TCF7L1: variants seen among roughly 807,000 people sequenced by gnomAD.
TCF7L1 encodes the protein transcription factor 7-like 1.
A neutral mutation model predicts 63.7 loss-of-function variants in TCF7L1; 18 were observed. The ratio of observed to expected loss-of-function variants is 0.28; its 90% CI spans 0.20 to 0.42. The LOEUF (loss-of-function observed/expected upper bound fraction) is 0.42, where lower values mean the gene tolerates loss of function less well. Ranked by LOEUF, TCF7L1 falls within the 10% of genes least tolerant of loss-of-function variation. The probability of loss-of-function intolerance (pLI) is 1.00; values close to 1 mark genes in which losing one functional copy is unlikely to be tolerated. For missense variants in TCF7L1, 654 were observed against 779.3 expected (o/e 0.84, Z 1.91); for synonymous variants, 355 against 340.9 (o/e 1.04, Z -0.46).
At chr2:85,243,599 G>T (rs1680390080) in intron 3 of TCF7L1, among the ~76,000 whole-genome samples, 1 of 152,162 alleles carries the variant, frequency 6.6e-6, no homozygotes, top group Non-Finnish European at 1.5e-5. Context: ...AGCAAGGGAA[G>T]GGGGAGCTGG....
chr2:85,287,719 G>C (rs1049449110), intron 4 of TCF7L1, among the ~76,000 whole-genome samples: 60 of 152,252 alleles, frequency 3.9e-4, no homozygotes, highest in Non-Finnish European at 6.9e-4. Flanking sequence ...TTCAACAGAT[G>C]GGGAGAAGAC....
intron 3 of TCF7L1, among the ~76,000 whole-genome samples, chr2:85,153,378 G>A (rs1228417316): frequency 1.9e-5 from 2 of 102,612 alleles, no homozygotes; most frequent in African/African-American, 4.3e-5. Context: ...GTCTTGCTCT[G>A]TCACCCAGGC....
At chr2:85,289,427 G>A (rs571158088) in intron 4 of TCF7L1, among the ~76,000 whole-genome samples, 13 of 152,142 alleles carry the variant, frequency 8.5e-5, no homozygotes, top group Admixed American at 8.5e-4. Flanking sequence ...ACTTAATCCA[G>A]CTTTTTGGAA....
chr2:85,213,201 T>C (rs1198752175), intron 3 of TCF7L1, among the ~76,000 whole-genome samples: 1 of 152,080 alleles, frequency 6.6e-6, no homozygotes, highest in Non-Finnish European at 1.5e-5. Flanking sequence ...CAGCTCCTTT[T>C]TGGGTGGGAG....
In TCF7L1 at chr2:85,170,706, A is replaced by G. The variant is rs1014710033; in HGVS notation, c.441+36256A>G. Among the ~76,000 whole-genome samples, 3 of 152,144 alleles carry G rather than the reference A, an allele frequency of 2.0e-5. No homozygotes were observed. In the East Asian group the frequency reaches 5.8e-4, roughly 29 times the overall value. The stretch of plus-strand genomic sequence containing the variant: ...TACCCGGACATCCCAGGAAAGAAAA[A>G]TGGTGCCCAGGAAACCCACTCAGAG... On this transcript the variant is annotated intron_variant, in intron 3 of 11. Transcript: ENST00000282111.
chr2:85,147,257 C>G (rs920917166), intron 3 of TCF7L1, among the ~76,000 whole-genome samples: 1 of 152,156 alleles, frequency 6.6e-6, no homozygotes, highest in African/African-American at 2.4e-5. Flanking sequence ...TGCAGCAGGT[C>G]CTTATTCTCT....
At chr2:85,160,838 A>G (rs1354444126) in intron 3 of TCF7L1, among the ~76,000 whole-genome samples, 1 of 152,188 alleles carries the variant, frequency 6.6e-6, no homozygotes, top group African/African-American at 2.4e-5. Context: ...GGGACAGAGC[A>G]GGACTCTGTC....
At chr2:85,255,422 A>T (rs1416473494) in intron 3 of TCF7L1, among the ~76,000 whole-genome samples, 1 of 152,118 alleles carries the variant, frequency 6.6e-6, no homozygotes, top group Non-Finnish European at 1.5e-5. Context: ...CCTGCACACA[A>T]GGGAATAGGA....
intron 3 of TCF7L1, among the ~76,000 whole-genome samples, chr2:85,246,211 C>A (rs1004830060): frequency 6.6e-6 from 1 of 152,206 alleles, no homozygotes; most frequent in Non-Finnish European, 1.5e-5. Flanking sequence ...TTTCCACTTG[C>A]AATTACTCAT....
intron 3 of TCF7L1, among the ~76,000 whole-genome samples, chr2:85,256,570 TG>T (rs2104341151): frequency 6.6e-6 from 1 of 152,286 alleles, no homozygotes; most frequent in East Asian, 1.9e-4. Context: ...GGCGGGACAC[TG>T]GGAGGGGTCG....
intron 4 of TCF7L1, among the ~76,000 whole-genome samples, chr2:85,289,332 C>T (rs1681632068): frequency 6.6e-6 from 1 of 152,018 alleles, no homozygotes; most frequent in African/African-American, 2.4e-5. Flanking sequence ...GAGTTACAGG[C>T]AAATGGGGCC....
At chr2:85,136,287 GCTCT>G (rs1254493024) in intron 3 of TCF7L1, among the ~76,000 whole-genome samples, 2 of 152,126 alleles carry the variant, frequency 1.3e-5, no homozygotes, top group Non-Finnish European at 2.9e-5. Context: ...TCTGCTGTCT[GCTCT>G]CTCTGACAGT....
chr2:85,144,434 AC>A lies in TCF7L1; in HGVS notation c.441+9985del, dbSNP rs376441281. 2.2e-3 allele frequency among the ~76,000 whole-genome samples: 310 copies of A among 141,414 alleles called. 2 individuals are homozygous for A. Among genetic ancestry groups the A allele is most frequent in the Middle Eastern group, 3.6e-3 (1 of 278 alleles). The allele number at this position is 141,414 out of a possible 152,430, so 92.8% of individuals were successfully genotyped here. A position where few individuals can be genotyped will look rare whatever the true frequency, so the allele number is the denominator to read the frequency against. Reference sequence around the variant, plus strand: ...TGTCTCTACAAAAAAAAAAAAAAAAACAAAAACCAAAAAAAACATTAGCCAG... The same window carrying A: ...TGTCTCTACAAAAAAAAAAAAAAAAAAAAAACCAAAAAAAACATTAGCCAG... On this transcript the variant is annotated intron_variant, in intron 3 of 11. Coordinates refer to ENST00000282111, the MANE Select transcript of TCF7L1 (RefSeq NM_031283.3).
chr2:85,268,806 G>A (rs990295557), intron 3 of TCF7L1, among the ~76,000 whole-genome samples: 1 of 151,238 alleles, frequency 6.6e-6, no homozygotes, highest in African/African-American at 2.4e-5. Flanking sequence ...TATCCCCAAA[G>A]AGCTTAGGGG....
chr2:85,222,364 CAAA>C (rs1217020917), intron 3 of TCF7L1, among the ~76,000 whole-genome samples: 78 of 105,992 alleles, frequency 7.4e-4, no homozygotes, highest in Admixed American at 2.5e-3. Context: ...AACAAACAAA[CAAA>C]AAAAAAAACA....
At chr2:85,296,520 C>T (rs1681842647) in intron 4 of TCF7L1, among the ~76,000 whole-genome samples, 1 of 152,152 alleles carries the variant, frequency 6.6e-6, no homozygotes, top group African/African-American at 2.4e-5. Flanking sequence ...AACGTTTCCA[C>T]CCTAGGGTAA....
Position 85,134,408 on chromosome 2 carries a change from G to C in TCF7L1, c.399G>C (p.Pro133=). ...TGATGATCCCGGACCTGAGCAGCCC[G>C]TACCTCTCCAACGGACCCCTGTCTC... is the stretch of plus-strand genomic sequence containing the variant. ...PFLMIPDLSS[P]YLSNGPLSPG... is the part of the protein sequence containing the mutation. Residue 133 remains proline, a synonymous_variant, in exon 3 of 12, where the codon CCG becomes CCC. Coordinates refer to ENST00000282111, the MANE Select transcript of TCF7L1 (RefSeq NM_031283.3). The surrounding 1 kb of genome is among the most constrained non-coding windows in gnomAD (Gnocchi z 5.0). 1 of 1,566,558 alleles carries C rather than the reference G, an allele frequency of 6.4e-7. No homozygotes were observed. Among genetic ancestry groups the C allele is most frequent in the Non-Finnish European group, 8.7e-7 (1 of 1,155,064 alleles).
intron 3 of TCF7L1, among the ~76,000 whole-genome samples, chr2:85,275,505 A>G (rs572958156): frequency 2.7e-4 from 41 of 152,192 alleles, no homozygotes; most frequent in Non-Finnish European, 4.9e-4. Flanking sequence ...TTTTGAGTTT[A>G]CTATTCAGTT....
chr2:85,292,814 C>T (rs1681757226), intron 4 of TCF7L1, among the ~76,000 whole-genome samples: 1 of 152,156 alleles, frequency 6.6e-6, no homozygotes, highest in African/African-American at 2.4e-5. Flanking sequence ...CTGGGCTCAC[C>T]CAATCTGGCT....
Sources: allele counts gnomAD v4.1 joint callset (sites outside exome capture counted in the v4.1 genomes callset), GRCh38; gene constraint gnomAD v4.1.1; non-coding constraint Gnocchi (gnomAD v3.1); transcripts MANE v1.5; gene names NCBI Gene and HGNC (gene_info 2026-07-23, HGNC 2026-07-21).